CNTNAP1: variants seen among roughly 807,000 people sequenced by gnomAD.
CNTNAP1 encodes contactin-associated protein 1.
A neutral mutation model predicts 161.5 loss-of-function variants in CNTNAP1; 80 were observed. The observed-to-expected ratio is 0.50, with a 90% CI of 0.41 to 0.60. CNTNAP1 has a LOEUF of 0.60. Ranked by LOEUF, CNTNAP1 falls within the 20% of genes least tolerant of loss-of-function variation. CNTNAP1 has a pLI of 0.00. For missense variants in CNTNAP1, 1,464 were observed against 1,854.8 expected, an observed-to-expected ratio of 0.79 and a Z score of 3.87; for synonymous variants, 695 against 733.1, an observed-to-expected ratio of 0.95 and a Z score of 0.84.
At chr17:42,696,820 G>T (rs534354517) in intron 20 of CNTNAP1, among the ~76,000 whole-genome samples, 46 of 152,006 alleles carry the variant, frequency 3.0e-4, no homozygotes, top group African/African-American at 9.4e-4. Flanking sequence ...AAAATAAAGT[G>T]GTTTACCCAA....
chr17:42,689,544 A>G lies in CNTNAP1; in HGVS notation c.1652A>G (p.His551Arg). Residue 551 changes from histidine (H) to arginine (R), a missense_variant, in exon 11 of 24, where the codon CAT becomes CGT. Physicochemically the swap from His to Arg is conservative, Grantham distance 29. This residue lies in a region of CNTNAP1 where 1,383 missense variants were observed against 1,765.0 expected (regional missense o/e 0.78). Transcript: ENST00000264638. The stretch of plus-strand genomic sequence containing the variant: ...AGGTGCAGCCCTAACATGTGTGAGC[A>G]TGATGGACGCTGCTACCAGTCTTGG... ...TDRCSPNMCE[H>R]DGRCYQSWDD... The G allele has an allele frequency of 2.5e-6, 4 of 1,613,730 alleles. No individual in the cohort carries two copies. Among genetic ancestry groups the G allele is most frequent in the Non-Finnish European group, 3.4e-6 (4 of 1,179,772 alleles).
intron 3 of CNTNAP1, 97 bp from the exon 4 acceptor site, chr17:42,684,894 C>T: frequency 7.0e-7 from 1 of 1,426,100 alleles, no homozygotes. Context: ...CACCGCACTC[C>T]AGCCTGGGCG....
Position 42,691,238 on chromosome 17 carries a change from C to T in CNTNAP1, c.2161C>T (p.Arg721Trp), listed in dbSNP as rs199522414. ...CCAGCGCTGTGCCTGTGGTCTGGAC[C>T]GGAGCTGTGTGGACCCTGCCTTGTA... ...GIQRCACGLD[R>W]SCVDPALYCN... is the part of the protein sequence containing the mutation. Residue 721 changes from arginine to tryptophan, a missense_variant, in exon 14 of 24, where the codon CGG becomes TGG. By Grantham distance (101) the Arg-to-Trp change is moderately radical. Coordinates refer to ENST00000264638, the MANE Select transcript of CNTNAP1 (RefSeq NM_003632.3). This position sits in a 1 kb window ranked among gnomAD's most constrained non-coding sequence, Gnocchi z 4.3. The T allele has an allele frequency of 1.3e-4, 208 of 1,614,030 alleles. 2 individuals carry two copies. The East Asian group carries it at 4.3e-3, about 33-fold the overall frequency.
chr17:42,682,915 G>T lies in CNTNAP1; in HGVS notation c.67+19G>T. 6.3e-7 allele frequency: 1 copy of T among 1,590,022 alleles called. No individual in the cohort carries two copies. Reference sequence around the variant, plus strand: ...GGCTACTGTGAGTGTTGGGCTTGGAGGCAGGTGGGGTTGGGCCCAGGAGTC... The same window carrying T: ...GGCTACTGTGAGTGTTGGGCTTGGATGCAGGTGGGGTTGGGCCCAGGAGTC... On this transcript the variant is annotated intron_variant, in intron 1 of 23. Transcript: ENST00000264638.
Position 42,683,344 on chromosome 17 carries a change from C to A in CNTNAP1, c.67+448C>A, listed in dbSNP as rs1043453771. 6.5e-6 allele frequency: 7 copies of A among 1,081,216 alleles called. No individual in the cohort carries two copies. In the African/African-American group the frequency reaches 1.2e-4, roughly 18 times the overall value. The allele number at this position is 1,081,216 out of a possible 1,614,324, so 67.0% of individuals were successfully genotyped here. On this transcript the variant is annotated intron_variant, in intron 1 of 23. Transcript: ENST00000264638. The stretch of plus-strand genomic sequence containing the variant: ...AGGGATCCAAGCAGGAGCTGGTGCC[C>A]CTGACTGATGCTAAGGCTGGACATG...
At position 42,693,288 on chromosome 17, in the gene CNTNAP1, C is replaced by G; in HGVS notation, c.2753-9C>G. On this transcript the variant is annotated splice_polypyrimidine_tract_variant and intron_variant, in intron 17 of 23. Coordinates refer to ENST00000264638, the MANE Select transcript of CNTNAP1 (RefSeq NM_003632.3). ...CTCCATTTCTTGACCTGTTGCCTAC[C>G]CTTCCCAGGATCTGCAGAGCTTAAG... The G allele has an allele frequency of 6.2e-7, 1 of 1,613,620 alleles. No individual in the cohort carries two copies. The highest frequency in any genetic ancestry group is 1.6e-4 in the Middle Eastern group (1 of 6,062).
At chr17:42,695,450 G>T in intron 18 of CNTNAP1, 71 bp from the exon 19 acceptor site, 1 of 1,231,662 alleles carries the variant, frequency 8.1e-7, no homozygotes, top group South Asian at 1.4e-5. Context: ...ATGTGTGTAT[G>T]GATGACATAA....
At chr17:42,688,260 CTG>C (rs1350400286) in intron 8 of CNTNAP1, among the ~76,000 whole-genome samples, 200 bp from the exon 9 acceptor site, 2 of 152,218 alleles carry the variant, frequency 1.3e-5, no homozygotes, top group Non-Finnish European at 2.9e-5. Context: ...TCGTTTATAA[CTG>C]TGCAGACTCT....
In CNTNAP1 at chr17:42,685,913, G is replaced by A; in HGVS notation, c.716-44G>A. 1 of 1,602,390 alleles carries A rather than the reference G, an allele frequency of 6.2e-7. No individual in the cohort carries two copies. The highest frequency in any genetic ancestry group is 8.5e-7 in the Non-Finnish European group (1 of 1,171,172). On this transcript the variant is annotated intron_variant, in intron 5 of 23. Transcript: ENST00000264638. The surrounding 1 kb of genome is among the most constrained non-coding windows in gnomAD (Gnocchi z 5.0). ...TGCCTAGGAGCTTGGACTCCATGGA[G>A]TTCTCCTGGCTTGAGGTTTCACTCT... is the stretch of plus-strand genomic sequence containing the variant.
In CNTNAP1 at chr17:42,695,507, G is replaced by A; in HGVS notation, c.2993-14G>A. The A allele has an allele frequency of 6.3e-7, 1 of 1,593,642 alleles. No individual in the cohort carries two copies. Among genetic ancestry groups the A allele is most frequent in the Non-Finnish European group, 8.6e-7 (1 of 1,165,600 alleles). On this transcript the variant is annotated splice_polypyrimidine_tract_variant and intron_variant, in intron 18 of 23. Coordinates refer to ENST00000264638, the MANE Select transcript of CNTNAP1 (RefSeq NM_003632.3). ...GCAGTGTGGGGGCCCTAACCTCCCT[G>A]CTTCTACCTGCAGATATTGGTGGTT...
intron 1 of CNTNAP1, 193 bp downstream of exon 1, chr17:42,683,089 T>G: frequency 1.6e-6 from 1 of 636,464 alleles, no homozygotes; most frequent in Non-Finnish European, 2.7e-6. Context: ...CGCCCGGGGC[T>G]GGGGCTGGGC....
rs139692372 is a variant in CNTNAP1, at chr17:42,686,130, C to G, written c.889C>G (p.Leu297Val). 27 of 1,614,200 alleles carry G rather than the reference C, an allele frequency of 1.7e-5. No individual in the cohort carries two copies. In the South Asian group the frequency reaches 2.3e-4, roughly 14 times the overall value. Residue 297 changes from leucine (L) to valine (V), a missense_variant, in exon 6 of 24, where the codon CTG becomes GTG. Physicochemically the swap from Leu to Val is conservative, Grantham distance 32 (BLOSUM62 1). Coordinates refer to ENST00000264638, the MANE Select transcript of CNTNAP1 (RefSeq NM_003632.3). ...CAATGGAGACTTCGAGAGGCTGAAC[C>G]TGGACACTGAGGTGAGAGACTAGGG... ...ILNGDFERLN[L>V]DTEMFIGGLV...
intron 19 of CNTNAP1, 48 bp downstream of exon 19, chr17:42,695,922 C>T (rs1165044295): frequency 2.5e-6 from 4 of 1,595,462 alleles, no homozygotes; most frequent in Non-Finnish European, 3.4e-6. Context: ...CACCCCGGTG[C>T]CCCTAATTCT....
rs755718283 is a variant in CNTNAP1 at position 42,684,055 on chromosome 17, A to G, written c.189A>G (p.Pro63=). The G allele has an allele frequency of 1.2e-6, 2 of 1,614,086 alleles. No individual in the cohort carries two copies. The highest frequency in any genetic ancestry group is 3.3e-5 in the Admixed American group (2 of 60,010). Residue 63 remains proline, a synonymous_variant, in exon 3 of 24, where the codon CCA becomes CCG. Transcript: ENST00000264638. ...CTATAGGCATAAGCGGGTGGTCACC[A>G]CGGATTGGGGATCCGAATCCCTGGC... is the stretch of plus-strand genomic sequence containing the variant. ...ARLHGISGWS[P]RIGDPNPWLQ...
At position 42,695,739 on chromosome 17, in the gene CNTNAP1, G is replaced by A. The variant is rs377221811; in HGVS notation, c.3211G>A (p.Gly1071Ser). The A allele has an allele frequency of 9.9e-6, 16 of 1,614,208 alleles. No individual in the cohort carries two copies. The highest frequency in any genetic ancestry group is 1.2e-5 in the Non-Finnish European group (14 of 1,180,030). Reference protein sequence around the residue: ...DYPRPGRPVPGYRGPVYNVTG... With the variant: ...DYPRPGRPVPSYRGPVYNVTG... ...CCCCCGGCCTGGTCGGCCTGTGCCCGGTTACCGTGGGCCTGTCTACAACGT... is the reference window on the plus strand; with the variant it reads ...CCCCCGGCCTGGTCGGCCTGTGCCCAGTTACCGTGGGCCTGTCTACAACGT... Residue 1071 changes from glycine (G) to serine (S), a missense_variant, in exon 19 of 24, where the codon GGT (glycine) becomes AGT (serine). Around this residue, in one of 3 missense-constraint regions of CNTNAP1, gnomAD observed 1,383 missense variants for 1,765.0 expected, o/e 0.78. Coordinates refer to ENST00000264638, the MANE Select transcript of CNTNAP1 (RefSeq NM_003632.3).
At chr17:42,692,766 C>A in intron 17 of CNTNAP1, 46 bp downstream of exon 17, 1 of 1,537,072 alleles carries the variant, frequency 6.5e-7, no homozygotes, top group South Asian at 1.2e-5. Flanking sequence ...TTTACCTCCC[C>A]ATCCTCCAAG....
Position 42,685,759 on chromosome 17 carries a change from C to T in CNTNAP1, c.716-198C>T, listed in dbSNP as rs928046865. Among the ~76,000 whole-genome samples the T allele has an allele frequency of 6.6e-6, 1 of 152,202 alleles. No individual in the cohort carries two copies. Among genetic ancestry groups the T allele is most frequent in the Non-Finnish European group, 1.5e-5 (1 of 68,032 alleles). ...ACCCGCACATGAAATAGAAGCAGCT[C>T]ATGTGTTCCCAGTTTTACAGACAGG... On this transcript the variant is annotated intron_variant, in intron 5 of 23. Transcript: ENST00000264638. This position sits in a 1 kb window ranked among gnomAD's most constrained non-coding sequence, Gnocchi z 5.0.
chr17:42,698,064 A>C, intron 23 of CNTNAP1, 114 bp downstream of exon 23: 3 of 1,171,498 alleles, frequency 2.6e-6, no homozygotes, highest in Non-Finnish European at 3.8e-6. Context: ...TAGATGCACA[A>C]TGGCACAAAG....
chr17:42,687,230 TAAG>T lies in CNTNAP1; in HGVS notation c.1044+188_1044+190del, dbSNP rs2053029543. On this transcript the variant is annotated intron_variant, in intron 7 of 23. Transcript: ENST00000264638. The surrounding 1 kb of genome is among the most constrained non-coding windows in gnomAD (Gnocchi z 4.7). ...TGCATGAGCCACGCAGGCCCCTAGT[TAAG>T]AAGCAGTGGTCGGGTCCAATCACCT... 8 of 705,410 alleles carry T rather than the reference TAAG, an allele frequency of 1.1e-5. No individual in the cohort carries two copies. Among genetic ancestry groups the T allele is most frequent in the Non-Finnish European group, 1.8e-5 (8 of 441,436 alleles). The allele number at this position is 705,410 out of a possible 1,614,324, so 43.7% of individuals were successfully genotyped here.
Sources: allele counts gnomAD v4.1 joint callset (sites outside exome capture counted in the v4.1 genomes callset), GRCh38; gene constraint gnomAD v4.1.1; regional missense constraint gnomAD v4.1.1; non-coding constraint Gnocchi (gnomAD v3.1); transcripts MANE v1.5; gene names NCBI Gene and HGNC (gene_info 2026-07-23, HGNC 2026-07-21).